The following ARHGAP6 variants were observed in gnomAD, a reference collection of about 807,000 sequenced individuals.
ARHGAP6 encodes the protein rho GTPase-activating protein 6.
Under a neutral mutation model 55.7 loss-of-function variants are expected in ARHGAP6, and 16 were observed. The ratio of observed to expected loss-of-function variants is 0.29; its 90% CI spans 0.19 to 0.44. The LOEUF is 0.44. ARHGAP6 is among the 20% of genes least tolerant of loss of function. The pLI is 1.00. For synonymous variants in ARHGAP6, 382 were observed against 360.9 expected (o/e 1.06, Z -0.66); for missense variants, 698 against 808.9 (o/e 0.86, Z 1.66).
chrX:11,569,932 T>C (rs1251044285), intron 1 of ARHGAP6, among the ~76,000 whole-genome samples: 1 of 111,723 alleles, frequency 9.0e-6, no homozygotes, highest in African/African-American at 3.2e-5. Flanking sequence ...GTTGTGAAAA[T>C]GCAAAAAGAG....
intron 1 of ARHGAP6, among the ~76,000 whole-genome samples, chrX:11,642,100 T>C (rs1211741810): frequency 8.9e-6 from 1 of 112,013 alleles, no homozygotes; most frequent in Admixed American, 9.5e-5. Context: ...ACCAAGTATA[T>C]GCAATACATC....
In ARHGAP6 at chrX:11,156,606, G is replaced by A. The variant is rs202126267; in HGVS notation, c.1830C>T (p.Asn610=). The A allele has an allele frequency of 1.4e-5, 17 of 1,208,907 alleles. No individual in the cohort carries two copies. Among genetic ancestry groups the A allele is most frequent in the Admixed American group, 4.4e-5 (2 of 45,733 alleles). The change falls in exon 10 of 13, where the codon AAC becomes AAT. Residue 610 remains asparagine (N), a synonymous_variant. Coordinates refer to ENST00000337414, the MANE Select transcript of ARHGAP6 (RefSeq NM_013427.3). The stretch of plus-strand genomic sequence containing the variant: ...TCTCTAACAGGCTGATCAGCACTTC[G>A]TTCTGGAGATCTGGGGGAACCTGAA... The part of the protein sequence containing the change: ...ALFMVPPDLQ[N]EVLISLLETD...
intron 1 of ARHGAP6, among the ~76,000 whole-genome samples, chrX:11,576,800 G>A (rs1285396896): frequency 1.9e-5 from 2 of 103,128 alleles, no homozygotes; most frequent in Admixed American, 1.1e-4. Context: ...GAGGTCAGAA[G>A]TCCAAAATGG....
At chrX:11,517,072 C>T (rs749384629) in intron 1 of ARHGAP6, among the ~76,000 whole-genome samples, 30 of 112,096 alleles carry the variant, frequency 2.7e-4, no homozygotes, top group Non-Finnish European at 5.1e-4. Context: ...AGGCCCATAA[C>T]AATATGACAA....
intron 1 of ARHGAP6, among the ~76,000 whole-genome samples, chrX:11,373,000 T>C (rs2049162003): frequency 9.2e-6 from 1 of 109,270 alleles, no homozygotes; most frequent in Admixed American, 9.9e-5. Flanking sequence ...AAATAAAAAT[T>C]ATTCATACAA....
intron 1 of ARHGAP6, among the ~76,000 whole-genome samples, chrX:11,411,222 T>TATATATAA (rs1385399573): frequency 1.3e-4 from 10 of 79,525 alleles, no homozygotes; most frequent in South Asian, 6.8e-4. Flanking sequence ...TATATATATA[T>TATATATAA]AAAATATACA....
intron 1 of ARHGAP6, among the ~76,000 whole-genome samples, chrX:11,465,551 T>A (rs1251367066): frequency 1.8e-5 from 2 of 112,360 alleles, no homozygotes; most frequent in African/African-American, 6.5e-5. Context: ...ATTAATAAGA[T>A]ATTTTACATT....
chrX:11,349,681 T>C (rs997656368), intron 1 of ARHGAP6, among the ~76,000 whole-genome samples: 2 of 112,199 alleles, frequency 1.8e-5, no homozygotes, highest in African/African-American at 6.5e-5. Context: ...TTATTTTTTG[T>C]CAGAAAAACT....
intron 1 of ARHGAP6, among the ~76,000 whole-genome samples, chrX:11,621,545 G>A (rs1271606294): frequency 9.0e-6 from 1 of 111,529 alleles, no homozygotes; most frequent in Non-Finnish European, 1.9e-5. Context: ...CAGCTGGTAA[G>A]TGTTTTAGTG....
intron 1 of ARHGAP6, among the ~76,000 whole-genome samples, chrX:11,478,146 T>C (rs2050422571): frequency 8.9e-6 from 1 of 111,932 alleles, no homozygotes; most frequent in African/African-American, 3.2e-5. Context: ...GCAGTTAAAG[T>C]TAAATAAACA....
In ARHGAP6 at chrX:11,277,534, G is replaced by C. The variant is rs184820755; in HGVS notation, c.589-22827C>G. On this transcript the variant is annotated intron_variant, in intron 1 of 12. Transcript: ENST00000337414. ...TTTCCGCCTCATTCCATTCACATGAGATATCAACAATTACAAGAAAACTCA... is the reference window on the plus strand; with the variant it reads ...TTTCCGCCTCATTCCATTCACATGACATATCAACAATTACAAGAAAACTCA... Among the ~76,000 whole-genome samples, 30 of 111,149 alleles carry C rather than the reference G, an allele frequency of 2.7e-4. No individual in the cohort carries two copies. The East Asian group carries it at 5.7e-3, about 21-fold the overall frequency.
intron 1 of ARHGAP6, among the ~76,000 whole-genome samples, chrX:11,363,044 A>G (rs1287607186): frequency 8.9e-6 from 1 of 112,173 alleles, no homozygotes; most frequent in Non-Finnish European, 1.9e-5. Context: ...AAAAAAAATA[A>G]AACCATATGA....
chrX:11,527,726 T>C (rs1262522406), intron 1 of ARHGAP6, among the ~76,000 whole-genome samples: 3 of 112,684 alleles, frequency 2.7e-5, no homozygotes, highest in Non-Finnish European at 5.6e-5. Context: ...CCAGACAGAA[T>C]ACAGGTCACT....
At chrX:11,378,610 T>A (rs2049228287) in intron 1 of ARHGAP6, among the ~76,000 whole-genome samples, 1 of 112,545 alleles carries the variant, frequency 8.9e-6, no homozygotes, top group African/African-American at 3.2e-5. Context: ...TAACTCATGG[T>A]TGTATTTACC....
At chrX:11,296,867 A>G in intron 1 of ARHGAP6, 1 of 1,173,478 alleles carries the variant, frequency 8.5e-7, no homozygotes, top group Non-Finnish European at 1.2e-6. Flanking sequence ...TGTTTGCGTT[A>G]ACAATGCCCT....
At chrX:11,276,296 C>G (rs1017953715) in intron 1 of ARHGAP6, among the ~76,000 whole-genome samples, 3 of 111,602 alleles carry the variant, frequency 2.7e-5, no homozygotes, top group Non-Finnish European at 5.7e-5. Context: ...ATATTTGTGC[C>G]TTTTCTCCCT....
chrX:11,401,652 G>A (rs756586436), intron 1 of ARHGAP6, among the ~76,000 whole-genome samples: 10 of 111,555 alleles, frequency 9.0e-5, no homozygotes, highest in Non-Finnish European at 1.3e-4. Flanking sequence ...CAGGGCTAGA[G>A]GCATTACATG....
At position 11,234,057 on chromosome X, in the gene ARHGAP6, C is replaced by T. The variant is rs2238901; in HGVS notation, c.748+20491G>A. 1.4e-3 allele frequency among the ~76,000 whole-genome samples: 155 copies of T among 112,255 alleles called. No individual in the cohort carries two copies. In the East Asian group the frequency reaches 0.03, roughly 21 times the overall value. ...ATTTGGGAAACTGATGGTCGTATTT[C>T]CTTTTCAGGGTGGAAGAAGGAATTC... On this transcript the variant is annotated intron_variant, in intron 2 of 12. Transcript: ENST00000337414.
intron 1 of ARHGAP6, among the ~76,000 whole-genome samples, chrX:11,306,777 C>T (rs1299452070): frequency 8.9e-6 from 1 of 112,210 alleles, no homozygotes; most frequent in Non-Finnish European, 1.9e-5. Context: ...AAGCTTGTCT[C>T]CTGTGACTTA....
Sources: gnomAD v4.1 joint callset for allele counts (sites outside exome capture counted in the v4.1 genomes callset) on GRCh38, gnomAD v4.1.1 for gene constraint, MANE v1.5 for transcripts, NCBI Gene and HGNC (gene_info 2026-07-23, HGNC 2026-07-21) for gene names.